Variants in GREB1L observed in about 807,000 individuals in gnomAD.
GREB1L encodes the protein GREB1-like protein.
Under a neutral mutation model 200.8 loss-of-function variants are expected in GREB1L, and 17 were observed. That is an observed-to-expected ratio of 0.08 (90% confidence interval 0.06 to 0.13). The LOEUF is 0.13. Ranked by LOEUF, GREB1L falls within the 10% of genes least tolerant of loss-of-function variation. The pLI, the probability that GREB1L is intolerant of heterozygous loss-of-function variation, is 1.00. For synonymous variants in GREB1L, 789 were observed against 893.0 expected, an observed-to-expected ratio of 0.88 and a Z score of 2.08; for missense variants, 1,657 against 2,367.7, an observed-to-expected ratio of 0.70 and a Z score of 6.23.
chr18:21,303,148 T>C (rs2038646272), intron 1 of GREB1L, among the ~76,000 whole-genome samples: 1 of 152,212 alleles, frequency 6.6e-6, no homozygotes, highest in Non-Finnish European at 1.5e-5. Context: ...CCCAGCCCTA[T>C]GTTTATTTAG....
chr18:21,269,510 T>C (rs1330125426), intron 1 of GREB1L, among the ~76,000 whole-genome samples: 1 of 152,150 alleles, frequency 6.6e-6, no homozygotes, highest in African/African-American at 2.4e-5. Flanking sequence ...TCATGTAGTA[T>C]ACAAGATAAC....
intron 1 of GREB1L, among the ~76,000 whole-genome samples, chr18:21,246,830 G>A (rs1598602247): frequency 6.6e-6 from 1 of 152,274 alleles, no homozygotes; most frequent in East Asian, 1.9e-4. Flanking sequence ...TTAGTATTGT[G>A]ATCACAGTTT....
Position 21,500,096 on chromosome 18 carries a change from C to T in GREB1L, c.3759C>T (p.Ser1253=). The change falls in exon 22 of 33, where the codon TCC becomes TCT. Residue 1253 remains serine, a synonymous_variant. Coordinates refer to ENST00000424526, the MANE Select transcript of GREB1L (RefSeq NM_001142966.3). The part of the protein sequence containing the change: ...GSQKSGKLPS[S]SSLLPHADVA... Reference sequence around the variant, plus strand: ...AGAAGAGTGGCAAGCTGCCATCCTCCTCCTCCCTGCTGCCCCACGCCGACG... The same window carrying T: ...AGAAGAGTGGCAAGCTGCCATCCTCTTCCTCCCTGCTGCCCCACGCCGACG... 6.4e-7 allele frequency: 1 copy of T among 1,551,742 alleles called. No individual in the cohort carries two copies. Among genetic ancestry groups the T allele is most frequent in the East Asian group, 2.4e-5 (1 of 40,914 alleles).
At chr18:21,433,535 A>G (rs1179427590) in intron 7 of GREB1L, among the ~76,000 whole-genome samples, 3 of 152,204 alleles carry the variant, frequency 2.0e-5, no homozygotes, top group Admixed American at 6.5e-5. Context: ...AACTGGGGTC[A>G]TCTTCAGTTT....
rs938091046 is a variant in GREB1L at position 21,500,585 on chromosome 18, C to G, written c.4015C>G (p.Arg1339Gly). Residue 1339 changes from arginine to glycine, a missense_variant, in exon 23 of 33, where the codon CGC becomes GGC. Transcript: ENST00000424526. Reference sequence around the variant, plus strand: ...TTTACAGTTCCTCAGGATCCTCTTCCGCATGCTCATCAGGCTCCTGGAGGT... The same window carrying G: ...TTTACAGTTCCTCAGGATCCTCTTCGGCATGCTCATCAGGCTCCTGGAGGT... ...SYLQFLRILF[R>G]MLIRLLEVDV... The G allele has an allele frequency of 1.3e-6, 2 of 1,551,220 alleles. No individual in the cohort carries two copies. Among genetic ancestry groups the G allele is most frequent in the Non-Finnish European group, 1.7e-6 (2 of 1,146,900 alleles).
At chr18:21,403,110 C>T (rs149855846) in intron 6 of GREB1L, among the ~76,000 whole-genome samples, 65 of 152,144 alleles carry the variant, frequency 4.3e-4, no homozygotes, top group African/African-American at 1.5e-3. Flanking sequence ...TTAACTTTGT[C>T]ATATAAAATC....
intron 10 of GREB1L, among the ~76,000 whole-genome samples, 153 bp downstream of exon 10, chr18:21,441,690 A>G (rs1347549377): frequency 6.6e-6 from 1 of 151,850 alleles, no homozygotes; most frequent in Non-Finnish European, 1.5e-5. Flanking sequence ...TATATTAAAC[A>G]TGTGATTAGG....
intron 1 of GREB1L, among the ~76,000 whole-genome samples, chr18:21,314,502 T>C (rs1191730309): frequency 1.3e-5 from 2 of 152,186 alleles, no homozygotes; most frequent in Non-Finnish European, 2.9e-5. Flanking sequence ...GGTAGCTTGA[T>C]TAAGATGTCA....
intron 15 of GREB1L, among the ~76,000 whole-genome samples, chr18:21,467,357 T>TACA (rs2035297698): frequency 6.6e-6 from 1 of 152,220 alleles, no homozygotes; most frequent in Admixed American, 6.5e-5. Flanking sequence ...GATACAGGAC[T>TACA]ATATCTACAA....
At chr18:21,459,985 C>A (rs2034969970) in intron 15 of GREB1L, among the ~76,000 whole-genome samples, 1 of 152,168 alleles carries the variant, frequency 6.6e-6, no homozygotes, top group Non-Finnish European at 1.5e-5. Context: ...ACAATGACTG[C>A]CCGCCTCGTC....
intron 21 of GREB1L, among the ~76,000 whole-genome samples, chr18:21,497,820 C>CT (rs1392626918): frequency 2.1e-5 from 2 of 96,518 alleles, no homozygotes; most frequent in East Asian, 3.1e-4. Flanking sequence ...CACCCCCCCC[C>CT]CTTTTTTTTT....
chr18:21,442,891 C>T (rs186090461), intron 10 of GREB1L, among the ~76,000 whole-genome samples: 67 of 151,020 alleles, frequency 4.4e-4, no homozygotes, highest in African/African-American at 1.6e-3. Context: ...CATGTATTGT[C>T]ATTTGTTTCT....
chr18:21,419,472 A>G (rs1273848193), intron 7 of GREB1L, among the ~76,000 whole-genome samples: 1 of 152,160 alleles, frequency 6.6e-6, no homozygotes, highest in Non-Finnish European at 1.5e-5. Context: ...TATTTTTTTG[A>G]GACAGAGTCT....
chr18:21,483,090 C>T (rs2035985313), intron 17 of GREB1L, among the ~76,000 whole-genome samples: 1 of 152,166 alleles, frequency 6.6e-6, no homozygotes, highest in Admixed American at 6.5e-5. Context: ...TCTCAAAACC[C>T]ATACTGGCTC....
chr18:21,443,930 C>A (rs2034060537), intron 10 of GREB1L, among the ~76,000 whole-genome samples: 1 of 152,216 alleles, frequency 6.6e-6, no homozygotes, highest in South Asian at 2.1e-4. Context: ...CTTCTTGGAA[C>A]TTTGTGGAAT....
rs760715849 is a variant in GREB1L at position 21,500,298 on chromosome 18, C to G, written c.3961C>G (p.Pro1321Ala). 7.9e-7 allele frequency: 1 copy of G among 1,267,348 alleles called. No homozygotes were observed. Among genetic ancestry groups the G allele is most frequent in the Non-Finnish European group, 1.1e-6 (1 of 901,254 alleles). 78.5% of individuals were successfully genotyped at this position (1,267,348 alleles called of 1,614,324 possible). A position where few individuals can be genotyped will look rare whatever the true frequency, so the allele number is the denominator to read the frequency against. The change falls in exon 22 of 33, where the codon CCC (proline) becomes GCC (alanine). Residue 1321 changes from proline (P) to alanine (A), a missense_variant. Around this residue, in one of 9 missense-constraint regions of GREB1L, gnomAD observed 512 missense variants for 668.3 expected, o/e 0.77. Coordinates refer to ENST00000424526, the MANE Select transcript of GREB1L (RefSeq NM_001142966.3). The part of the protein sequence containing the change: ...FHPRRLLLTG[P>A]PQVGKTGSYL... ...CCCCCGACGGCTCCTGCTGACAGGG[C>G]CCCCACAGGTAGGGCCAAGCCAGCC...
chr18:21,364,393 A>T (rs897588304), intron 1 of GREB1L, among the ~76,000 whole-genome samples: 11 of 152,176 alleles, frequency 7.2e-5, no homozygotes, highest in Non-Finnish European at 1.3e-4. Context: ...AATCCTGGCT[A>T]ATACAAAGTC....
intron 22 of GREB1L, 40 bp from the exon 23 acceptor site, chr18:21,500,500 C>T: frequency 7.2e-7 from 1 of 1,393,316 alleles, no homozygotes; most frequent in Middle Eastern, 1.8e-4. Context: ...CCCTCTCTTT[C>T]CCGCCTCCAC....
At chr18:21,460,981 C>A (rs1308738273) in intron 15 of GREB1L, among the ~76,000 whole-genome samples, 1 of 151,476 alleles carries the variant, frequency 6.6e-6, no homozygotes, top group Non-Finnish European at 1.5e-5. Flanking sequence ...CCTGTAATCC[C>A]AGCTATTCAG....
Sources: allele counts gnomAD v4.1 joint callset (sites outside exome capture counted in the v4.1 genomes callset), GRCh38; gene constraint gnomAD v4.1.1; regional missense constraint gnomAD v4.1.1; transcripts MANE v1.5; gene names NCBI Gene and HGNC (gene_info 2026-07-23, HGNC 2026-07-21).